TACR3: variants seen among roughly 807,000 people sequenced by gnomAD.
TACR3 encodes the protein tachykinin receptor 3, also known as neuromedin-K receptor.
A neutral mutation model predicts 35.0 loss-of-function variants in TACR3; 34 were observed. That is an observed-to-expected ratio of 0.97 (90% CI 0.74 to 1.30). TACR3 has a LOEUF of 1.30. TACR3 is among the 50% of genes most tolerant of loss of function. The pLI is 0.00. For missense variants in TACR3, 558 were observed against 591.7 expected (o/e 0.94, Z 0.59); for synonymous variants, 233 against 221.1 (o/e 1.05, Z -0.48).
intron 3 of TACR3, among the ~76,000 whole-genome samples, chr4:103,634,561 C>T (rs1438445605): frequency 6.6e-6 from 1 of 151,988 alleles, no homozygotes; most frequent in Non-Finnish European, 1.5e-5. Flanking sequence ...CATAAATGAC[C>T]ATCAGTTGTC....
intron 1 of TACR3, among the ~76,000 whole-genome samples, chr4:103,661,965 G>A (rs1008488297): frequency 2.0e-5 from 3 of 152,288 alleles, no homozygotes; most frequent in Admixed American, 6.5e-5. Flanking sequence ...TACCATTTGT[G>A]AAGCAGACAA....
At chr4:103,698,569 G>C (rs1384150698) in intron 1 of TACR3, among the ~76,000 whole-genome samples, 1 of 134,466 alleles carries the variant, frequency 7.4e-6, no homozygotes, top group Non-Finnish European at 1.5e-5. Context: ...GTAAAATAAA[G>C]AACATTAAAA....
chr4:103,676,327 A>G (rs915599928), intron 1 of TACR3, among the ~76,000 whole-genome samples: 1 of 152,220 alleles, frequency 6.6e-6, no homozygotes, highest in African/African-American at 2.4e-5. Context: ...AATAGAAATA[A>G]CAAACATAAC....
intron 1 of TACR3, among the ~76,000 whole-genome samples, chr4:103,711,750 G>A (rs1299760869): frequency 7.2e-5 from 11 of 152,224 alleles, no homozygotes; most frequent in African/African-American, 1.4e-4. Flanking sequence ...AAACCCCATC[G>A]TCTCAGCCCA....
chr4:103,638,485 C>T (rs1202734905), intron 3 of TACR3, among the ~76,000 whole-genome samples: 3 of 151,908 alleles, frequency 2.0e-5, no homozygotes, highest in African/African-American at 7.3e-5. Context: ...ACCATAAAAA[C>T]CCTAGAAGAA....
intron 3 of TACR3, among the ~76,000 whole-genome samples, chr4:103,612,778 G>A (rs1724539601): frequency 1.3e-5 from 2 of 152,116 alleles, no homozygotes; most frequent in Non-Finnish European, 2.9e-5. Flanking sequence ...CCAAAGTGCT[G>A]GGATTACAGG....
At chr4:103,685,661 T>C (rs1467736961) in intron 1 of TACR3, among the ~76,000 whole-genome samples, 1 of 152,142 alleles carries the variant, frequency 6.6e-6, no homozygotes, top group African/African-American at 2.4e-5. Context: ...CACTTCACAA[T>C]AGAGTATACT....
In TACR3 at chr4:103,656,225, T is replaced by G; in HGVS notation, c.857A>C (p.Lys286Thr). ...GGEIPGDTCD[K>T]YHEQLKAKRK... ...TTTGGCCTTTAGCTGCTCATGATACTTGTCACAGGTATCTCCTGGGATTTC... is the reference window on the plus strand; with the variant it reads ...TTTGGCCTTTAGCTGCTCATGATACGTGTCACAGGTATCTCCTGGGATTTC... The change falls in exon 3 of 5, where the codon AAG (lysine) becomes ACG (threonine). Residue 286 changes from lysine (K) to threonine (T), a missense_variant. Lys to Thr is a moderately conservative substitution (Grantham distance 78). Transcript: ENST00000304883. 6.2e-7 allele frequency: 1 copy of G among 1,613,028 alleles called. No individual in the cohort carries two copies. The highest frequency in any genetic ancestry group is 8.5e-7 in the Non-Finnish European group (1 of 1,179,274).
At chr4:103,596,643 G>T (rs1184370506) in intron 3 of TACR3, among the ~76,000 whole-genome samples, 2 of 152,032 alleles carry the variant, frequency 1.3e-5, no homozygotes, top group African/African-American at 4.8e-5. Flanking sequence ...TAGGGTACAT[G>T]TGCACAATGT....
At chr4:103,596,927 G>A (rs537467819) in intron 3 of TACR3, among the ~76,000 whole-genome samples, 41 of 151,946 alleles carry the variant, frequency 2.7e-4, no homozygotes, top group Non-Finnish European at 5.4e-4. Flanking sequence ...CAAAGGACAC[G>A]AACTCATCAT....
chr4:103,689,037 G>T (rs1226720985), intron 1 of TACR3, among the ~76,000 whole-genome samples: 1 of 151,806 alleles, frequency 6.6e-6, no homozygotes, highest in Non-Finnish European at 1.5e-5. Context: ...AAGAAAATGT[G>T]GCACATATAC....
At chr4:103,619,773 A>G (rs1262362793) in intron 3 of TACR3, among the ~76,000 whole-genome samples, 1 of 152,192 alleles carries the variant, frequency 6.6e-6, no homozygotes, top group Non-Finnish European at 1.5e-5. Flanking sequence ...ATTTATTGAC[A>G]TGACAATATG....
rs188789681 is a variant in TACR3 at position 103,704,161 on chromosome 4, C to T, written c.548+14967G>A. 5.5e-4 allele frequency among the ~76,000 whole-genome samples: 66 copies of T among 119,756 alleles called. 1 individual carries two copies. In the East Asian group the frequency reaches 0.012, roughly 22 times the overall value. 78.6% of individuals were successfully genotyped at this position (119,756 alleles called of 152,430 possible). A position where few individuals can be genotyped will look rare whatever the true frequency, so the allele number is the denominator to read the frequency against. On this transcript the variant is annotated intron_variant, in intron 1 of 4. Coordinates refer to ENST00000304883, the MANE Select transcript of TACR3 (RefSeq NM_001059.3). ...AAAGAAAGAAAGGAAATTGGTAATA[C>T]ATTTAGCAACATGTAGGGATGAGAT...
Position 103,642,216 on chromosome 4 carries a change from ATATATATATAATCACATTG to A in TACR3, c.888+13959_888+13977del, listed in dbSNP as rs573501840. The stretch of plus-strand genomic sequence containing the variant: ...CAAAAATATGGATATACATATTTAT[ATATATATATAATCACATTG>A]TATATATATAATCACATCATATATA... On this transcript the variant is annotated intron_variant, in intron 3 of 4. Coordinates refer to ENST00000304883, the MANE Select transcript of TACR3 (RefSeq NM_001059.3). 1.1e-3 allele frequency among the ~76,000 whole-genome samples: 163 copies of A among 151,226 alleles called. 1 individual carries two copies. In the South Asian group the frequency reaches 0.014, roughly 13 times the overall value.
intron 3 of TACR3, among the ~76,000 whole-genome samples, chr4:103,623,307 T>C (rs1015790049): frequency 6.6e-6 from 1 of 152,144 alleles, no homozygotes; most frequent in Non-Finnish European, 1.5e-5. Context: ...TTTGCAAAGC[T>C]ATATATTTCA....
At chr4:103,686,289 G>C (rs1373237345) in intron 1 of TACR3, among the ~76,000 whole-genome samples, 1 of 152,154 alleles carries the variant, frequency 6.6e-6, no homozygotes, top group Non-Finnish European at 1.5e-5. Context: ...CCATGACACA[G>C]ATCCAATGGC....
intron 1 of TACR3, among the ~76,000 whole-genome samples, chr4:103,702,258 T>C (rs997530727): frequency 5.9e-5 from 9 of 152,112 alleles, no homozygotes; most frequent in Non-Finnish European, 8.8e-5. Flanking sequence ...ACACACACTT[T>C]TCAAAAGAAG....
chr4:103,592,687 T>C (rs1723920768), intron 3 of TACR3, among the ~76,000 whole-genome samples: 1 of 152,186 alleles, frequency 6.6e-6, no homozygotes, highest in Admixed American at 6.5e-5. Flanking sequence ...TGCAGTCAGA[T>C]TAAAACAAAT....
At chr4:103,709,372 A>AT (rs1397832043) in intron 1 of TACR3, among the ~76,000 whole-genome samples, 1 of 152,194 alleles carries the variant, frequency 6.6e-6, no homozygotes, top group African/African-American at 2.4e-5. Flanking sequence ...AAAGAAAAGA[A>AT]TTTTCAACCT....
Sources: allele counts gnomAD v4.1 joint callset (sites outside exome capture counted in the v4.1 genomes callset), GRCh38; gene constraint gnomAD v4.1.1; transcripts MANE v1.5; gene names NCBI Gene and HGNC (gene_info 2026-07-23, HGNC 2026-07-21).